JAKMIP1: variants seen among roughly 807,000 people sequenced by gnomAD.
JAKMIP1 encodes janus kinase and microtubule interacting protein 1, also known as janus kinase and microtubule-interacting protein 1.
JAKMIP1 carries 33 observed loss-of-function variants against 113.0 expected under a neutral mutation model. That is an observed-to-expected ratio of 0.29 (90% CI 0.22 to 0.39). The LOEUF (loss-of-function observed/expected upper bound fraction) is 0.39. Among genes scored for constraint, JAKMIP1 ranks in the 10% least tolerant of loss-of-function variants. The pLI, the probability that JAKMIP1 is intolerant of heterozygous loss-of-function variation, is 1.00. For missense variants in JAKMIP1, 813 were observed against 1,080.5 expected (o/e 0.75, Z 3.47); for synonymous variants, 480 against 459.9 (o/e 1.04, Z -0.56).
chr4:6,078,896 G>C, intron 8 of JAKMIP1, 43 bp downstream of exon 8: 1 of 1,607,546 alleles, frequency 6.2e-7, no homozygotes, highest in Middle Eastern at 1.7e-4. Context: ...GCAGATCCGT[G>C]ACACAGCGGC....
At chr4:6,182,334 G>A (rs1007219262) in intron 1 of JAKMIP1, among the ~76,000 whole-genome samples, 11 of 150,976 alleles carry the variant, frequency 7.3e-5, no homozygotes, top group Middle Eastern at 3.5e-3. Flanking sequence ...ACTTGAGCCC[G>A]GGAGCTCAAA....
At position 6,179,107 on chromosome 4, in the gene JAKMIP1, C is replaced by G. The variant is rs1483202517; in HGVS notation, c.-148+21146G>C. 6.6e-6 allele frequency among the ~76,000 whole-genome samples: 1 copy of G among 152,144 alleles called. No individual in the cohort carries two copies. On this transcript the variant is annotated intron_variant, in intron 1 of 20. Coordinates refer to ENST00000409021, the MANE Select transcript of JAKMIP1 (RefSeq NM_001099433.2). The surrounding 1 kb of genome is among the most constrained non-coding windows in gnomAD (Gnocchi z 4.5). ...AAAGACTAGAATGTGCTTTTCAAAC[C>G]TTTGTTGCTCTTTTTCATGAAATGG...
intron 1 of JAKMIP1, among the ~76,000 whole-genome samples, chr4:6,170,332 TCTCCCCACCCTTCTC>T (rs1724312476): frequency 4.1e-5 from 2 of 48,918 alleles, no homozygotes; most frequent in Middle Eastern, 0.017. Flanking sequence ...TCACCACCAC[TCTCCCCACCCTTCTC>T]ACCACCACCA....
intron 2 of JAKMIP1, among the ~76,000 whole-genome samples, chr4:6,107,758 T>G (rs544516550): frequency 4.6e-4 from 69 of 151,128 alleles, no homozygotes; most frequent in South Asian, 1.3e-3. Context: ...CTGTGGGGGG[T>G]GTGTGTGTGT....
intron 1 of JAKMIP1, among the ~76,000 whole-genome samples, chr4:6,198,903 G>A (rs532268775): frequency 1.3e-5 from 2 of 152,366 alleles, no homozygotes; most frequent in Admixed American, 6.5e-5. Context: ...GACTTAGGGG[G>A]GATGGCCCTG....
intron 18 of JAKMIP1, among the ~76,000 whole-genome samples, chr4:6,036,316 C>G (rs999112458): frequency 6.6e-6 from 1 of 152,228 alleles, no homozygotes; most frequent in African/African-American, 2.4e-5. Flanking sequence ...ATTTTTTACT[C>G]TATTCAACCC....
At chr4:6,102,361 C>A (rs575766306) in intron 3 of JAKMIP1, among the ~76,000 whole-genome samples, 1 of 152,194 alleles carries the variant, frequency 6.6e-6, no homozygotes, top group East Asian at 1.9e-4. Flanking sequence ...GAGATGGGGT[C>A]TTTAAGAGGT....
rs2108812976 is a variant in JAKMIP1, at chr4:6,076,755, G to T, written c.1302+2184C>A. ...GCATAAACAGAATAAGGTATCTTGG[G>T]GATGGGACCCAAGTCTAAACATGAA... On this transcript the variant is annotated intron_variant, in intron 8 of 20. Coordinates refer to ENST00000409021, the MANE Select transcript of JAKMIP1 (RefSeq NM_001099433.2). The surrounding 1 kb of genome is among the most constrained non-coding windows in gnomAD (Gnocchi z 4.8). Among the ~76,000 whole-genome samples the T allele has an allele frequency of 6.6e-6, 1 of 152,248 alleles. No homozygotes were observed. Among genetic ancestry groups the T allele is most frequent in the East Asian group, 1.9e-4 (1 of 5,180 alleles).
At chr4:6,198,401 A>G (rs1477494218) in intron 1 of JAKMIP1, among the ~76,000 whole-genome samples, 4 of 152,084 alleles carry the variant, frequency 2.6e-5, no homozygotes, top group East Asian at 1.9e-4. Context: ...TGGCTGAGAC[A>G]TTGTGGCAGG....
intron 3 of JAKMIP1, among the ~76,000 whole-genome samples, chr4:6,100,151 G>A (rs1050149075): frequency 4.6e-5 from 7 of 152,194 alleles, no homozygotes; most frequent in African/African-American, 1.7e-4. Context: ...CCGATTTTTA[G>A]TAAGTCTTCC....
At chr4:6,191,485 A>T (rs1045793652) in intron 1 of JAKMIP1, among the ~76,000 whole-genome samples, 2 of 152,218 alleles carry the variant, frequency 1.3e-5, no homozygotes, top group African/African-American at 4.8e-5. Context: ...GGGGACCCAG[A>T]TCCTCGCAGC....
chr4:6,045,246 C>A lies in JAKMIP1; in HGVS notation c.2029-3019G>T, dbSNP rs73073421. On this transcript the variant is annotated intron_variant, in intron 16 of 20. Transcript: ENST00000409021. ...TTAAGACATTCCCACCTGGCTGAGG[C>A]CGGTGTCTTTTTCTCGATCCACTTT... Among the ~76,000 whole-genome samples, 801 of 152,330 alleles carry A rather than the reference C, an allele frequency of 5.3e-3. 7 individuals carry two copies. Among genetic ancestry groups the A allele is most frequent in the African/African-American group, 0.018 (738 of 41,580 alleles).
At chr4:6,159,211 C>A (rs1020131637) in intron 1 of JAKMIP1, among the ~76,000 whole-genome samples, 4 of 152,052 alleles carry the variant, frequency 2.6e-5, no homozygotes, top group Admixed American at 2.6e-4. Context: ...ACTGGATAGC[C>A]ACCTACAGCC....
intron 18 of JAKMIP1, among the ~76,000 whole-genome samples, chr4:6,038,698 C>G (rs1713893196): frequency 6.6e-6 from 1 of 152,206 alleles, no homozygotes; most frequent in South Asian, 2.1e-4. Flanking sequence ...AACAGTTGCC[C>G]TTGGGGAACT....
At position 6,035,942 on chromosome 4, in the gene JAKMIP1, G is replaced by T. The variant is rs1239605309; in HGVS notation, c.2341C>A (p.Leu781Met). ...TGCAGCAGCTCCATGCGCTCCCGCA[G>T]GATCTGGCTGTCGAACTCGCGGCTC... ...RQSREFDSQI[L>M]RERMELLQQA... is the part of the protein sequence containing the mutation. Residue 781 changes from leucine to methionine, a missense_variant, in exon 19 of 21, where the codon CTG becomes ATG. Around this residue, in one of 2 missense-constraint regions of JAKMIP1, gnomAD observed 273 missense variants for 426.6 expected, o/e 0.64. Coordinates refer to ENST00000409021, the MANE Select transcript of JAKMIP1 (RefSeq NM_001099433.2). 1.3e-6 allele frequency: 2 copies of T among 1,551,184 alleles called. No individual in the cohort carries two copies. The highest frequency in any genetic ancestry group is 1.4e-5 in the African/African-American group (1 of 73,074).
intron 8 of JAKMIP1, among the ~76,000 whole-genome samples, chr4:6,068,721 C>T (rs1718523423): frequency 1.3e-5 from 2 of 152,040 alleles, no homozygotes; most frequent in South Asian, 4.2e-4. Context: ...CCACATCTGG[C>T]TAATTTTTGT....
intron 1 of JAKMIP1, among the ~76,000 whole-genome samples, chr4:6,127,544 G>T (rs369343958): frequency 1.3e-5 from 2 of 152,186 alleles, no homozygotes; most frequent in Non-Finnish European, 2.9e-5. Context: ...TCACTGGCAC[G>T]TTGGTGAGGC....
At chr4:6,126,658 A>G (rs1560234044) in intron 1 of JAKMIP1, among the ~76,000 whole-genome samples, 1 of 149,268 alleles carries the variant, frequency 6.7e-6, no homozygotes, top group Non-Finnish European at 1.5e-5. Context: ...AACACACCAC[A>G]CATGCCCCCC....
At chr4:6,125,816 C>T (rs1560230775) in intron 1 of JAKMIP1, among the ~76,000 whole-genome samples, 1 of 114,826 alleles carries the variant, frequency 8.7e-6, no homozygotes, top group African/African-American at 4.2e-5. Flanking sequence ...CACACACACA[C>T]ACCATACACA....
Sources: gnomAD v4.1 joint callset for allele counts (sites outside exome capture counted in the v4.1 genomes callset) on GRCh38, gnomAD v4.1.1 for gene constraint, gnomAD v4.1.1 regional missense constraint, Gnocchi (gnomAD v3.1) non-coding constraint, MANE v1.5 for transcripts, NCBI Gene and HGNC (gene_info 2026-07-23, HGNC 2026-07-21) for gene names.